The following OXCT1 variants were observed in gnomAD, a reference collection of about 807,000 sequenced individuals.
OXCT1 encodes the protein succinyl-CoA:3-ketoacid coenzyme A transferase 1, mitochondrial.
Under a neutral mutation model 69.6 loss-of-function variants are expected in OXCT1, and 27 were observed. That is an observed-to-expected ratio of 0.39 (90% CI 0.29 to 0.54). The LOEUF is 0.54. Ranked by LOEUF, OXCT1 falls within the 20% of genes least tolerant of loss-of-function variation. The pLI is 0.72. For missense variants in OXCT1, 437 were observed against 650.2 expected, an observed-to-expected ratio of 0.67 and a Z score of 3.57; for synonymous variants, 202 against 217.8, an observed-to-expected ratio of 0.93 and a Z score of 0.64.
chr5:41,756,181 T>C (rs1187275166), intron 14 of OXCT1, among the ~76,000 whole-genome samples: 2 of 152,116 alleles, frequency 1.3e-5, no homozygotes, highest in Admixed American at 1.3e-4. Context: ...GTTTTAGTAA[T>C]AGAGTTCTCA....
chr5:41,858,994 C>A (rs1361995633), intron 3 of OXCT1, among the ~76,000 whole-genome samples: 3 of 152,108 alleles, frequency 2.0e-5, no homozygotes, highest in Admixed American at 2.0e-4. Context: ...ATGGAAAATT[C>A]CAGACATATA....
In OXCT1 at chr5:41,820,518, T is replaced by C; in HGVS notation, c.733-13080A>G. ...CAACAATAGAATTGTTGATATGTTT[T>C]ACTATAACTTAAAATATCTTTCGTT... On this transcript the variant is annotated intron_variant, in intron 7 of 16. Coordinates refer to ENST00000196371, the MANE Select transcript of OXCT1 (RefSeq NM_000436.4). Among the ~76,000 whole-genome samples, 2 of 152,334 alleles carry C rather than the reference T, an allele frequency of 1.3e-5. 1 individual carries two copies.
chr5:41,749,642 A>T (rs762387432), intron 14 of OXCT1, 35 bp from the exon 15 acceptor site: 5 of 1,341,790 alleles, frequency 3.7e-6, no homozygotes, highest in Non-Finnish European at 5.3e-6. Context: ...AAGAGTAGTT[A>T]GGGAGCAATT....
At chr5:41,789,445 T>C (rs1745807834) in intron 13 of OXCT1, among the ~76,000 whole-genome samples, 1 of 152,210 alleles carries the variant, frequency 6.6e-6, no homozygotes, top group South Asian at 2.1e-4. Flanking sequence ...TGACCCTTAA[T>C]ATATGCCAGA....
chr5:41,775,434 T>C (rs1745076357), intron 13 of OXCT1, among the ~76,000 whole-genome samples: 1 of 151,800 alleles, frequency 6.6e-6, no homozygotes, highest in Non-Finnish European at 1.5e-5. Flanking sequence ...ATGGAAGAGA[T>C]GTATAGGGCA....
In OXCT1 at chr5:41,730,500, G is replaced by A. The variant is rs191846235; in HGVS notation, c.*1229C>T. ...TTTAGGACCAGAGGAATGATATATC[G>A]TACTGTACTATGCCTACCTCTGTCC... On this transcript the variant is annotated 3_prime_UTR_variant, in exon 17 of 17. Coordinates refer to ENST00000196371, the MANE Select transcript of OXCT1 (RefSeq NM_000436.4). The A allele has an allele frequency of 3.2e-4, 49 of 152,300 alleles. 1 individual carries two copies. Among genetic ancestry groups the A allele is most frequent in the Non-Finnish European group, 1.8e-4 (12 of 68,030 alleles). 9.4% of individuals were successfully genotyped at this position (152,300 alleles called of 1,614,324 possible).
chr5:41,854,118 T>C (rs1749318379), intron 3 of OXCT1, among the ~76,000 whole-genome samples: 1 of 152,146 alleles, frequency 6.6e-6, no homozygotes, highest in Non-Finnish European at 1.5e-5. Context: ...CTATGAACAT[T>C]TTCCCTATAT....
chr5:41,788,707 C>G (rs1476902354), intron 13 of OXCT1, among the ~76,000 whole-genome samples: 1 of 152,164 alleles, frequency 6.6e-6, no homozygotes, highest in Non-Finnish European at 1.5e-5. Flanking sequence ...ACAATTATAG[C>G]TGAAGATCTC....
intron 3 of OXCT1, among the ~76,000 whole-genome samples, chr5:41,857,639 C>G (rs1749494476): frequency 6.6e-6 from 1 of 152,204 alleles, no homozygotes; most frequent in South Asian, 2.1e-4. Flanking sequence ...CTCCATAAAG[C>G]TTTCTTCCAG....
intron 13 of OXCT1, among the ~76,000 whole-genome samples, chr5:41,776,448 G>T (rs1745125091): frequency 6.6e-6 from 1 of 152,156 alleles, no homozygotes; most frequent in Non-Finnish European, 1.5e-5. Flanking sequence ...TCAGTATGTG[G>T]CCTGTTCCTG....
At position 41,811,078 on chromosome 5, in the gene OXCT1, A is replaced by AG. The variant is rs200989507; in HGVS notation, c.733-3641dup. On this transcript the variant is annotated intron_variant, in intron 7 of 16. Coordinates refer to ENST00000196371, the MANE Select transcript of OXCT1 (RefSeq NM_000436.4). ...ATGAGAAACATTAACTCCAAAAGAG[A>AG]GGGAAAAAAAAAAAAAGCAGCTGTG... is the stretch of plus-strand genomic sequence containing the variant. Among the ~76,000 whole-genome samples, 87 of 143,288 alleles carry AG rather than the reference A, an allele frequency of 6.1e-4. 1 individual carries two copies. The highest frequency in any genetic ancestry group is 2.1e-3 in the African/African-American group (82 of 39,674). 94.0% of individuals were successfully genotyped at this position (143,288 alleles called of 152,430 possible). A position where few individuals can be genotyped will look rare whatever the true frequency, so the allele number is the denominator to read the frequency against.
Position 41,770,559 on chromosome 5 carries a change from T to C in OXCT1, c.1249-8359A>G, listed in dbSNP as rs551165240. Among the ~76,000 whole-genome samples, 111 of 152,324 alleles carry C rather than the reference T, an allele frequency of 7.3e-4. 1 individual carries two copies. Among genetic ancestry groups the C allele is most frequent in the Non-Finnish European group, 1.1e-3 (77 of 68,018 alleles). On this transcript the variant is annotated intron_variant, in intron 13 of 16. Coordinates refer to ENST00000196371, the MANE Select transcript of OXCT1 (RefSeq NM_000436.4). ...AACTATTAATCATTAATTAAGCATC[T>C]ACTTAATACCTGTTAGGTGTTCTGT...
intron 13 of OXCT1, among the ~76,000 whole-genome samples, chr5:41,780,311 ATGACATTGATAAAT>A (rs1376813036): frequency 6.6e-6 from 1 of 152,204 alleles, no homozygotes; most frequent in Admixed American, 6.5e-5. Flanking sequence ...AATTTAAATA[ATGACATTGATAAAT>A]TCAGGGTGAA....
At chr5:41,826,794 A>AATAT (rs1343770005) in intron 7 of OXCT1, among the ~76,000 whole-genome samples, 2 of 152,126 alleles carry the variant, frequency 1.3e-5, no homozygotes, top group Non-Finnish European at 2.9e-5. Context: ...GCACTACAAT[A>AATAT]ATATATCCAT....
At chr5:41,858,435 C>T (rs1749554258) in intron 3 of OXCT1, among the ~76,000 whole-genome samples, 1 of 152,134 alleles carries the variant, frequency 6.6e-6, no homozygotes, top group Admixed American at 6.5e-5. Context: ...CTCTTTAATA[C>T]TAAAGACAAT....
intron 7 of OXCT1, among the ~76,000 whole-genome samples, chr5:41,836,574 G>C (rs1312684980): frequency 2.0e-5 from 3 of 152,132 alleles, no homozygotes; most frequent in African/African-American, 7.2e-5. Context: ...CCACAGATGG[G>C]GGTTGGGCAG....
chr5:41,795,844 A>G (rs1746156292), intron 11 of OXCT1, among the ~76,000 whole-genome samples: 2 of 152,170 alleles, frequency 1.3e-5, no homozygotes, highest in African/African-American at 4.8e-5. Context: ...AATATAAACA[A>G]TTTTTATTGG....
At chr5:41,857,527 C>T (rs756133092) in intron 3 of OXCT1, among the ~76,000 whole-genome samples, 5 of 152,160 alleles carry the variant, frequency 3.3e-5, no homozygotes, top group African/African-American at 7.2e-5. Context: ...CGGGTTCACC[C>T]AATGGGAGGC....
chr5:41,787,634 C>CAAAAAAAAAAAA (rs765691863), intron 13 of OXCT1, among the ~76,000 whole-genome samples: 7 of 34,712 alleles, frequency 2.0e-4, no homozygotes, highest in East Asian at 1.6e-3. Flanking sequence ...AAGCATTAGG[C>CAAAAAAAAAAAA]AAAAAAAAAA....
Sources: gnomAD v4.1 joint callset for allele counts (sites outside exome capture counted in the v4.1 genomes callset) on GRCh38, gnomAD v4.1.1 for gene constraint, MANE v1.5 for transcripts, NCBI Gene and HGNC (gene_info 2026-07-23, HGNC 2026-07-21) for gene names.